The following ATXN7 variants were observed in gnomAD, a reference collection of about 807,000 sequenced individuals.
The protein encoded by ATXN7 is ataxin-7.
In ATXN7, 12 loss-of-function variants were observed where a neutral mutation model predicts 70.5. That is an observed-to-expected ratio of 0.17 (90% CI 0.11 to 0.28). The LOEUF (loss-of-function observed/expected upper bound fraction) is 0.28, where lower values mean the gene tolerates loss of function less well. ATXN7 is among the 10% of genes least tolerant of loss of function. The pLI is 1.00. For synonymous variants in ATXN7, 498 were observed against 448.7 expected (o/e 1.11, Z -1.39); for missense variants, 1,256 against 1,131.7 (o/e 1.11, Z -1.58).
upstream of ATXN7, chr3:63,863,504 C>T: frequency 8.4e-7 from 1 of 1,184,422 alleles, no homozygotes; most frequent in Non-Finnish European, 1.0e-6. Flanking sequence ...CCCGGCACAC[C>T]CTATAGCCCC....
chr3:63,868,221 G>A (rs1702491793), intron 1 of ATXN7, among the ~76,000 whole-genome samples: 1 of 152,200 alleles, frequency 6.6e-6, no homozygotes, highest in African/African-American at 2.4e-5. Context: ...GCCTTGGCAG[G>A]ACAGTAGAAC....
At chr3:63,997,151 A>G (rs1014398668) in intron 12 of ATXN7, among the ~76,000 whole-genome samples, 1 of 152,142 alleles carries the variant, frequency 6.6e-6, no homozygotes, top group African/African-American at 2.4e-5. Flanking sequence ...CCAGCTACTC[A>G]GGAGGTGGAG....
chr3:63,959,917 A>T (rs1217606510), intron 5 of ATXN7, among the ~76,000 whole-genome samples: 7 of 152,198 alleles, frequency 4.6e-5, no homozygotes. Context: ...ATTGCCCTCC[A>T]CTGAGGTAGG....
At chr3:63,988,480 G>C in intron 9 of ATXN7, 156 bp downstream of exon 9, 2 of 1,065,198 alleles carry the variant, frequency 1.9e-6, no homozygotes, top group Non-Finnish European at 1.3e-6. Flanking sequence ...AAAAAGGAAA[G>C]GTTGAGTTCA....
rs1345005053 is a variant in ATXN7, at chr3:63,912,810, C to G, written c.212C>G (p.Ser71Trp). 6.4e-7 allele frequency: 1 copy of G among 1,566,198 alleles called. No homozygotes were observed. The highest frequency in any genetic ancestry group is 8.6e-7 in the Non-Finnish European group (1 of 1,159,364). ...EDGGPGAAST[S>W]AAAMATVGER... ...GGCGGGCCCGGCGCCGCCTCCACCT[C>G]GGCCGCCGCAATGGCGACGGTCGGG... The change falls in exon 3 of 13, where the codon TCG (serine) becomes TGG (tryptophan). Residue 71 changes from serine (S) to tryptophan (W), a missense_variant. By Grantham distance (177) the Ser-to-Trp change is radical (BLOSUM62 -3). Transcript: ENST00000674280.
chr3:63,977,308 G>A (rs1204765311), intron 5 of ATXN7, among the ~76,000 whole-genome samples: 6 of 151,928 alleles, frequency 3.9e-5, no homozygotes, highest in African/African-American at 1.5e-4. Flanking sequence ...CAGAACTGAG[G>A]GTATTTAATT....
chr3:63,922,267 C>G (rs1704540516), intron 4 of ATXN7, among the ~76,000 whole-genome samples: 1 of 152,110 alleles, frequency 6.6e-6, no homozygotes, highest in Non-Finnish European at 1.5e-5. Flanking sequence ...GTCTCAAACT[C>G]TGGAGCTCAA....
intron 4 of ATXN7, among the ~76,000 whole-genome samples, chr3:63,917,066 C>T (rs1444135652): frequency 6.6e-6 from 1 of 151,952 alleles, no homozygotes; most frequent in East Asian, 1.9e-4. Flanking sequence ...ATTACAGGCA[C>T]CTGCCACCAC....
chr3:63,937,568 TTAAAG>T (rs1430555412), intron 4 of ATXN7, among the ~76,000 whole-genome samples: 5 of 152,242 alleles, frequency 3.3e-5, no homozygotes, highest in Admixed American at 6.5e-5. Context: ...CACAAGTGTC[TTAAAG>T]TAAACAGTAT....
intron 8 of ATXN7, among the ~76,000 whole-genome samples, chr3:63,985,914 A>C (rs2075571918): frequency 6.6e-6 from 1 of 152,210 alleles, no homozygotes; most frequent in African/African-American, 2.4e-5. Flanking sequence ...CTTACAGTCT[A>C]ATGAAAGAGA....
intron 5 of ATXN7, among the ~76,000 whole-genome samples, chr3:63,973,350 G>A (rs1308123685): frequency 6.6e-6 from 1 of 152,160 alleles, no homozygotes; most frequent in African/African-American, 2.4e-5. Context: ...TGCATATTGT[G>A]TTGTGTATTG....
At chr3:63,962,871 A>G (rs1380986328) in intron 5 of ATXN7, among the ~76,000 whole-genome samples, 1 of 150,544 alleles carries the variant, frequency 6.6e-6, no homozygotes, top group Non-Finnish European at 1.5e-5. Context: ...AATAATCAAG[A>G]TACACTTGTT....
At chr3:63,960,556 G>T (rs1402289718) in intron 5 of ATXN7, among the ~76,000 whole-genome samples, 2 of 152,156 alleles carry the variant, frequency 1.3e-5, no homozygotes, top group Admixed American at 1.3e-4. Context: ...CAGGGGCAGA[G>T]AAGTGTGAAC....
At chr3:63,945,120 A>G (rs1473067685) in intron 4 of ATXN7, among the ~76,000 whole-genome samples, 1 of 152,114 alleles carries the variant, frequency 6.6e-6, no homozygotes, top group East Asian at 1.9e-4. Flanking sequence ...AGCTAACTTT[A>G]TTGAGTGATT....
chr3:63,973,652 C>T (rs1052412800), intron 5 of ATXN7, among the ~76,000 whole-genome samples: 5 of 152,026 alleles, frequency 3.3e-5, no homozygotes, highest in African/African-American at 1.2e-4. Flanking sequence ...TTTGGCAGTT[C>T]CTGAGCTCTT....
intron 4 of ATXN7, among the ~76,000 whole-genome samples, chr3:63,916,149 A>T (rs1438132887): frequency 6.6e-6 from 1 of 152,232 alleles, no homozygotes; most frequent in African/African-American, 2.4e-5. Context: ...TCTTTGGAAG[A>T]TAATACTACC....
chr3:63,943,698 C>T (rs1228732749), intron 4 of ATXN7, among the ~76,000 whole-genome samples: 18 of 152,116 alleles, frequency 1.2e-4, no homozygotes, highest in Admixed American at 1.1e-3. Context: ...CTGTGCCTAA[C>T]CCTTCATGTG....
chr3:63,972,147 T>A (rs1441496590), intron 5 of ATXN7, among the ~76,000 whole-genome samples: 2 of 152,164 alleles, frequency 1.3e-5, no homozygotes, highest in Non-Finnish European at 2.9e-5. Context: ...AACCTGGACA[T>A]AAAAATAAAC....
upstream of ATXN7, chr3:63,863,794 G>A: frequency 8.0e-7 from 1 of 1,250,044 alleles, no homozygotes; most frequent in Non-Finnish European, 9.9e-7. Flanking sequence ...CTCCCATGGC[G>A]TGCGCGGCGG....
Sources: allele counts gnomAD v4.1 joint callset (sites outside exome capture counted in the v4.1 genomes callset), GRCh38; gene constraint gnomAD v4.1.1; transcripts MANE v1.5; gene names NCBI Gene and HGNC (gene_info 2026-07-23, HGNC 2026-07-21).